ALS2CL: variants seen among roughly 807,000 people sequenced by gnomAD.
The protein encoded by ALS2CL is ALS2 C-terminal-like protein.
ALS2CL carries 112 observed loss-of-function variants against 127.9 expected under a neutral mutation model. The ratio of observed to expected loss-of-function variants is 0.88; its 90% CI spans 0.75 to 1.02. ALS2CL has a LOEUF of 1.02. Ranked by LOEUF, ALS2CL falls within the 50% of genes least tolerant of loss-of-function variation. The pLI, the probability that ALS2CL is intolerant of heterozygous loss-of-function variation, is 0.00. For synonymous variants in ALS2CL, 519 were observed against 527.6 expected, an observed-to-expected ratio of 0.98 and a Z score of 0.22; for missense variants, 1,174 against 1,236.7, an observed-to-expected ratio of 0.95 and a Z score of 0.76.
rs890608814 is a variant in ALS2CL at position 46,676,756 on chromosome 3, C to A, written c.1932-18G>T. The A allele has an allele frequency of 6.2e-7, 1 of 1,613,268 alleles. No homozygotes were observed. The highest frequency in any genetic ancestry group is 1.7e-5 in the Admixed American group (1 of 59,996). On this transcript the variant is annotated intron_variant, in intron 17 of 25. Transcript: ENST00000318962. ...GGTGGGTCCTGGGCACCACACACAG[C>A]ATCCCTCACCCACACCTCGGCCCAG...
intron 21 of ALS2CL, among the ~76,000 whole-genome samples, chr3:46,674,033 G>A (rs933081536): frequency 3.9e-5 from 6 of 152,140 alleles, no homozygotes; most frequent in African/African-American, 1.2e-4. Context: ...GGAGGCCCTG[G>A]GGTGTGGTAA....
At chr3:46,671,280 C>T (rs965394811) in intron 25 of ALS2CL, among the ~76,000 whole-genome samples, 10 of 152,162 alleles carry the variant, frequency 6.6e-5, no homozygotes, top group African/African-American at 2.4e-4. Flanking sequence ...CCCCAGGGTC[C>T]CCAGGGCTGG....
chr3:46,685,131 C>A (rs1379244496), intron 7 of ALS2CL, among the ~76,000 whole-genome samples: 1 of 152,178 alleles, frequency 6.6e-6, no homozygotes. Context: ...CCTTAGTCAC[C>A]CCTCAGTCAC....
chr3:46,677,111 G>C, intron 16 of ALS2CL, 89 bp from the exon 17 acceptor site: 1 of 1,504,298 alleles, frequency 6.6e-7, no homozygotes, highest in Non-Finnish European at 8.8e-7. Flanking sequence ...GAGGGGTGGG[G>C]GTATGAGCCT....
Position 46,675,597 on chromosome 3 carries a change from AAGGAGACCTGCGCC to A in ALS2CL, c.2255+7_2255+20del. On this transcript the variant is annotated splice_region_variant and intron_variant, in intron 20 of 25. Transcript: ENST00000318962. ...GGCCTCCCTGGACACGGCAGGCCCC[AAGGAGACCTGCGCC>A]AGTCACCTTGTCTCTGTGTCTTCAT... 6.2e-7 allele frequency: 1 copy of A among 1,611,096 alleles called. No individual in the cohort carries two copies. The highest frequency in any genetic ancestry group is 8.5e-7 in the Non-Finnish European group (1 of 1,177,908).
chr3:46,675,829 G>C (rs1698770411), intron 19 of ALS2CL, 143 bp from the exon 20 acceptor site: 1 of 1,486,412 alleles, frequency 6.7e-7, no homozygotes. Context: ...AACCACAGAA[G>C]TTAGAAGGTT....
intron 18 of ALS2CL, 114 bp downstream of exon 18, chr3:46,676,528 G>A: frequency 5.2e-6 from 8 of 1,532,182 alleles, no homozygotes; most frequent in Non-Finnish European, 7.1e-6. Flanking sequence ...CTGAGGACAA[G>A]GGATCCACAG....
chr3:46,671,803 G>A (rs1698412069), intron 24 of ALS2CL, 81 bp downstream of exon 24: 1 of 1,582,586 alleles, frequency 6.3e-7, no homozygotes, highest in Non-Finnish European at 8.6e-7. Context: ...TAAACCCTGG[G>A]GTTCAGAGGT....
At position 46,679,287 on chromosome 3, in the gene ALS2CL, C is replaced by T. The variant is rs774605697; in HGVS notation, c.1549G>A (p.Gly517Ser). ...QGTFQADKTV[G>S]PGILLSEDDS... ...TCTTCAGAGAGGAGGATGCCCGGGCCCTTGGGGAGAGGAAGCCAGGGAGGG... is the reference window on the plus strand; with the variant it reads ...TCTTCAGAGAGGAGGATGCCCGGGCTCTTGGGGAGAGGAAGCCAGGGAGGG... Residue 517 changes from glycine to serine, a missense_variant and splice_region_variant, in exon 15 of 26, where the codon GGC (glycine) becomes AGC (serine). By Grantham distance (56) the Gly-to-Ser change is moderately conservative. Coordinates refer to ENST00000318962, the MANE Select transcript of ALS2CL (RefSeq NM_147129.5). The T allele has an allele frequency of 1.1e-5, 18 of 1,585,188 alleles. No individual in the cohort carries two copies. The highest frequency in any genetic ancestry group is 1.4e-5 in the Non-Finnish European group (16 of 1,165,216).
At chr3:46,674,961 G>T in intron 20 of ALS2CL, 1 of 462,940 alleles carries the variant, frequency 2.2e-6, no homozygotes, top group Non-Finnish European at 3.7e-6. Flanking sequence ...AAGATGGCAG[G>T]TGGGGCAGGA....
At chr3:46,683,576 G>C (rs1575437169) in intron 9 of ALS2CL, among the ~76,000 whole-genome samples, 1 of 152,166 alleles carries the variant, frequency 6.6e-6, no homozygotes, top group Non-Finnish European at 1.5e-5. Context: ...ATCAACACAG[G>C]ACCCAATTCT....
At chr3:46,674,029 C>CT (rs1378339786) in intron 21 of ALS2CL, among the ~76,000 whole-genome samples, 1 of 152,030 alleles carries the variant, frequency 6.6e-6, no homozygotes, top group African/African-American at 2.4e-5. Flanking sequence ...GAAGGGAGGC[C>CT]CTGGGGTGTG....
At chr3:46,677,104 G>A (rs537610138) in intron 16 of ALS2CL, 82 bp from the exon 17 acceptor site, 1 of 1,510,984 alleles carries the variant, frequency 6.6e-7, no homozygotes, top group African/African-American at 1.4e-5. Context: ...GCCCTTGGAG[G>A]GGTGGGGGTA....
At chr3:46,690,623 G>C (rs527361814) in intron 1 of ALS2CL, among the ~76,000 whole-genome samples, 4 of 152,352 alleles carry the variant, frequency 2.6e-5, no homozygotes, top group African/African-American at 9.6e-5. Flanking sequence ...CAAATGACCT[G>C]ATCAGGTATC....
At chr3:46,674,318 G>A (rs940501690) in intron 21 of ALS2CL, among the ~76,000 whole-genome samples, 6 of 152,224 alleles carry the variant, frequency 3.9e-5, no homozygotes, top group African/African-American at 1.4e-4. Context: ...GGGAGGGTAT[G>A]AACCTTGAGC....
intron 22 of ALS2CL, 112 bp downstream of exon 22, chr3:46,673,227 C>T (rs936326539): frequency 5.7e-6 from 4 of 702,984 alleles, no homozygotes; most frequent in Non-Finnish European, 4.4e-6. Context: ...ACCCACCCTG[C>T]CCCTCCCCAG....
intron 21 of ALS2CL, among the ~76,000 whole-genome samples, chr3:46,673,954 T>C (rs1698607208): frequency 6.6e-6 from 1 of 151,894 alleles, no homozygotes; most frequent in South Asian, 2.1e-4. Flanking sequence ...GACAGTGGGG[T>C]CACTTGTGGC....
chr3:46,690,208 G>C (rs1700073664), intron 1 of ALS2CL, among the ~76,000 whole-genome samples: 1 of 152,196 alleles, frequency 6.6e-6, no homozygotes, highest in South Asian at 2.1e-4. Context: ...GGTAATGATG[G>C]GATCCAAAGT....
chr3:46,673,367 A>AG lies in ALS2CL; in HGVS notation c.2443dup (p.Leu815ProfsTer51), dbSNP rs1698563734. The AG allele has an allele frequency of 1.3e-6, 2 of 1,564,216 alleles. No individual in the cohort carries two copies. The highest frequency in any genetic ancestry group is 1.4e-5 in the African/African-American group (1 of 73,752). On this transcript the variant is annotated frameshift_variant, in exon 22 of 26. Transcript: ENST00000318962. LOFTEE classifies it high-confidence loss of function. ...ATTGCTCGTCAGCGTGAGGTCCTTG[A>AG]GGGGCCACAAGTGCCTGAAATTGAA...
Sources: gnomAD v4.1 joint callset for allele counts (sites outside exome capture counted in the v4.1 genomes callset) on GRCh38, gnomAD v4.1.1 for gene constraint, MANE v1.5 for transcripts, NCBI Gene and HGNC (gene_info 2026-07-23, HGNC 2026-07-21) for gene names.